The following PRKG2 variants were observed in gnomAD, a reference collection of about 807,000 sequenced individuals.
PRKG2 encodes cGMP-dependent protein kinase 2.
Under a neutral mutation model 97.2 loss-of-function variants are expected in PRKG2, and 33 were observed. The observed-to-expected ratio is 0.34, with a 90% CI of 0.26 to 0.45. The LOEUF is 0.45. PRKG2 is among the 20% of genes least tolerant of loss of function. The pLI is 1.00. For missense variants in PRKG2, 638 were observed against 900.0 expected (o/e 0.71, Z 3.73); for synonymous variants, 330 against 321.8 (o/e 1.03, Z -0.27).
At chr4:81,117,460 C>T (rs941838331) in intron 14 of PRKG2, among the ~76,000 whole-genome samples, 3 of 151,972 alleles carry the variant, frequency 2.0e-5, no homozygotes, top group Non-Finnish European at 4.4e-5. Flanking sequence ...GGTATACTTC[C>T]AATGTCTCAT....
chr4:81,194,322 T>C (rs2110116630), intron 2 of PRKG2, among the ~76,000 whole-genome samples: 1 of 151,840 alleles, frequency 6.6e-6, no homozygotes, highest in South Asian at 2.1e-4. Flanking sequence ...GTCACCCTAA[T>C]AAACAAGGCA....
intron 7 of PRKG2, among the ~76,000 whole-genome samples, chr4:81,152,847 A>G (rs1748551576): frequency 6.6e-6 from 1 of 152,188 alleles, no homozygotes; most frequent in South Asian, 2.1e-4. Context: ...CAGAGGTTTG[A>G]AACTATTTTG....
At chr4:81,131,436 G>T (rs1422993608) in intron 14 of PRKG2, among the ~76,000 whole-genome samples, 1 of 152,168 alleles carries the variant, frequency 6.6e-6, no homozygotes, top group Non-Finnish European at 1.5e-5. Flanking sequence ...CAGCCACCAT[G>T]AAGTGGTTTT....
At chr4:81,126,506 A>C (rs1039307341) in intron 14 of PRKG2, among the ~76,000 whole-genome samples, 1 of 152,146 alleles carries the variant, frequency 6.6e-6, no homozygotes, top group East Asian at 1.9e-4. Context: ...GTGTAAAAGC[A>C]TCCCTATTTC....
chr4:81,186,292 G>C (rs1460431915), intron 2 of PRKG2, among the ~76,000 whole-genome samples: 3 of 152,124 alleles, frequency 2.0e-5, no homozygotes, highest in South Asian at 4.1e-4. Flanking sequence ...ACAGTGCAAT[G>C]AAATTAGAAC....
upstream of PRKG2, among the ~76,000 whole-genome samples, chr4:81,216,666 T>A (rs575839060): frequency 4.9e-4 from 74 of 152,170 alleles, 2 homozygotes; most frequent in South Asian, 0.015. Flanking sequence ...AAGTTGTAAT[T>A]CCTACCTCAC....
intron 6 of PRKG2, among the ~76,000 whole-genome samples, chr4:81,162,019 T>C (rs1749624017): frequency 6.6e-6 from 1 of 152,110 alleles, no homozygotes; most frequent in African/African-American, 2.4e-5. Context: ...GCATCTAAAA[T>C]ATAGTAAATG....
chr4:81,140,866 G>C (rs947004281), intron 11 of PRKG2, among the ~76,000 whole-genome samples, 197 bp from the exon 12 acceptor site: 14 of 152,020 alleles, frequency 9.2e-5, no homozygotes, highest in Non-Finnish European at 2.1e-4. Context: ...CTGGGATGTG[G>C]CTCTAAAATT....
chr4:81,120,021 A>C (rs931207362), intron 14 of PRKG2, among the ~76,000 whole-genome samples: 7 of 152,186 alleles, frequency 4.6e-5, no homozygotes, highest in African/African-American at 1.4e-4. Flanking sequence ...TGGCCTGAGA[A>C]GGACTCCATA....
Position 81,131,120 on chromosome 4 carries a change from A to G in PRKG2, c.1776+4035T>C, listed in dbSNP as rs1045941286. 6.6e-5 allele frequency among the ~76,000 whole-genome samples: 10 copies of G among 152,162 alleles called. 1 individual carries two copies. Among genetic ancestry groups the G allele is most frequent in the African/African-American group, 2.4e-4 (10 of 41,434 alleles). ...AACCCAGGGCCCTGATGATGTAGGC[A>G]CCCGAGGGAATCTCCTGGTCTGTGG... is the stretch of plus-strand genomic sequence containing the variant. On this transcript the variant is annotated intron_variant, in intron 14 of 18. Coordinates refer to ENST00000264399, the MANE Select transcript of PRKG2 (RefSeq NM_006259.3).
At chr4:81,185,336 GA>G (rs1751779810) in intron 2 of PRKG2, among the ~76,000 whole-genome samples, 1 of 151,800 alleles carries the variant, frequency 6.6e-6, no homozygotes, top group Non-Finnish European at 1.5e-5. Flanking sequence ...CATTCTTAAA[GA>G]AAAGAATTTT....
intron 2 of PRKG2, 87 bp from the exon 3 acceptor site, chr4:81,175,046 T>C (rs1000165080): frequency 1.6e-6 from 2 of 1,269,054 alleles, no homozygotes; most frequent in African/African-American, 1.5e-5. Context: ...TTCTCAATAA[T>C]ATTATCTACA....
chr4:81,198,033 A>G (rs535013422), intron 2 of PRKG2, among the ~76,000 whole-genome samples: 125 of 152,342 alleles, frequency 8.2e-4, no homozygotes, highest in African/African-American at 2.8e-3. Flanking sequence ...AATGTAGCCC[A>G]CAAGGCGAGG....
intron 9 of PRKG2, among the ~76,000 whole-genome samples, chr4:81,146,884 A>G (rs1003846074): frequency 5.9e-5 from 9 of 152,204 alleles, no homozygotes; most frequent in Non-Finnish European, 1.0e-4. Context: ...CATATAATTT[A>G]TCATCCAAGC....
chr4:81,101,316 C>G (rs1259225690), intron 17 of PRKG2, among the ~76,000 whole-genome samples: 1 of 152,084 alleles, frequency 6.6e-6, no homozygotes, highest in Non-Finnish European at 1.5e-5. Flanking sequence ...GGAACCAACC[C>G]AAATGTCCAA....
chr4:81,152,892 A>G (rs1748556847), intron 7 of PRKG2, among the ~76,000 whole-genome samples: 1 of 152,208 alleles, frequency 6.6e-6, no homozygotes. Context: ...CCAAATTCAA[A>G]GTTCAACCAC....
chr4:81,114,409 T>C (rs1744293552), intron 14 of PRKG2, among the ~76,000 whole-genome samples: 1 of 152,068 alleles, frequency 6.6e-6, no homozygotes, highest in African/African-American at 2.4e-5. Context: ...CATGGATACT[T>C]GTCTATAGTA....
chr4:81,130,505 G>A (rs1037126827), intron 14 of PRKG2, among the ~76,000 whole-genome samples: 1 of 152,170 alleles, frequency 6.6e-6, no homozygotes, highest in Non-Finnish European at 1.5e-5. Flanking sequence ...TCCCTTAGCA[G>A]AGCTCGAGCT....
chr4:81,210,694 C>T (rs1249543377), intron 1 of PRKG2, among the ~76,000 whole-genome samples: 1 of 152,162 alleles, frequency 6.6e-6, no homozygotes, highest in Non-Finnish European at 1.5e-5. Context: ...AGCAGTCATG[C>T]TTCTTGGTAT....
Sources: gnomAD v4.1 joint callset for allele counts (sites outside exome capture counted in the v4.1 genomes callset) on GRCh38, gnomAD v4.1.1 for gene constraint, MANE v1.5 for transcripts, NCBI Gene and HGNC (gene_info 2026-07-23, HGNC 2026-07-21) for gene names.